The following ADAMTSL1 variants were observed in gnomAD, a reference collection of about 807,000 sequenced individuals.
ADAMTSL1 encodes the protein ADAMTS like 1.
A neutral mutation model predicts 201.8 loss-of-function variants in ADAMTSL1; 126 were observed. The ratio of observed to expected loss-of-function variants is 0.62; its 90% CI spans 0.54 to 0.72. The LOEUF is 0.72. Among genes scored for constraint, ADAMTSL1 ranks in the 30% least tolerant of loss-of-function variants. The pLI is 0.00. For missense variants in ADAMTSL1, 2,679 were observed against 2,277.8 expected (o/e 1.18, Z -3.59); for synonymous variants, 1,121 against 903.4 (o/e 1.24, Z -4.32).
intron 1 of ADAMTSL1, among the ~76,000 whole-genome samples, chr9:17,984,168 TTTTC>T (rs1818831040): frequency 1.3e-5 from 2 of 152,228 alleles, no homozygotes; most frequent in East Asian, 1.9e-4. Flanking sequence ...TTCTTGTGAT[TTTTC>T]TTTCTTTTTC....
At chr9:18,357,242 A>G (rs1256379290) in intron 2 of ADAMTSL1, among the ~76,000 whole-genome samples, 2 of 152,202 alleles carry the variant, frequency 1.3e-5, no homozygotes, top group African/African-American at 4.8e-5. Context: ...GGCCACCCCA[A>G]GCAAAGTATT....
chr9:18,060,610 A>G (rs1408452464), intron 1 of ADAMTSL1, among the ~76,000 whole-genome samples: 1 of 152,196 alleles, frequency 6.6e-6, no homozygotes, highest in Non-Finnish European at 1.5e-5. Flanking sequence ...CTACTTAACA[A>G]CAAAACAAAA....
chr9:18,488,414 T>G (rs1370761379), intron 1 of ADAMTSL1, among the ~76,000 whole-genome samples: 4 of 152,238 alleles, frequency 2.6e-5, no homozygotes, highest in Admixed American at 2.6e-4. Context: ...CGGCCCCTCC[T>G]ACTTCAATGA....
chr9:18,845,201 C>T (rs1266342016), intron 23 of ADAMTSL1, among the ~76,000 whole-genome samples: 1 of 152,228 alleles, frequency 6.6e-6, no homozygotes, highest in African/African-American at 2.4e-5. Flanking sequence ...CGGCAGCACA[C>T]TCTCCTTAGT....
At chr9:18,122,122 TGGAG>T (rs1825528002) in intron 1 of ADAMTSL1, among the ~76,000 whole-genome samples, 1 of 152,194 alleles carries the variant, frequency 6.6e-6, no homozygotes, top group African/African-American at 2.4e-5. Context: ...GAGTTTGACA[TGGAG>T]TCCATTTAAA....
intron 4 of ADAMTSL1, among the ~76,000 whole-genome samples, chr9:18,579,402 G>A (rs1822951001): frequency 6.8e-6 from 1 of 147,730 alleles, no homozygotes; most frequent in Non-Finnish European, 1.5e-5. Context: ...GCTAGATGAC[G>A]AGTTAGTGGG....
intron 2 of ADAMTSL1, among the ~76,000 whole-genome samples, chr9:18,357,817 C>A (rs934568676): frequency 1.3e-5 from 2 of 152,066 alleles, no homozygotes; most frequent in African/African-American, 4.8e-5. Context: ...CAGCCTCCAT[C>A]TCTATATTTA....
chr9:18,487,896 C>A (rs1300473685), intron 1 of ADAMTSL1, among the ~76,000 whole-genome samples: 1 of 152,140 alleles, frequency 6.6e-6, no homozygotes, highest in African/African-American at 2.4e-5. Context: ...TTCATCGATC[C>A]TAAGACACAA....
At chr9:18,783,807 A>G (rs1055581796) in intron 19 of ADAMTSL1, among the ~76,000 whole-genome samples, 21 of 152,064 alleles carry the variant, frequency 1.4e-4, no homozygotes, top group African/African-American at 5.1e-4. Context: ...TATACAACAA[A>G]GACTACAGGT....
intron 2 of ADAMTSL1, among the ~76,000 whole-genome samples, chr9:18,516,126 T>C (rs924987329): frequency 6.6e-6 from 1 of 151,136 alleles, no homozygotes; most frequent in Non-Finnish European, 1.5e-5. Flanking sequence ...GATTTCCTAA[T>C]GCTACTTGCA....
chr9:18,348,455 C>T (rs1044072354), intron 2 of ADAMTSL1, among the ~76,000 whole-genome samples: 1 of 152,140 alleles, frequency 6.6e-6, no homozygotes, highest in Non-Finnish European at 1.5e-5. Flanking sequence ...TCACTAGTGT[C>T]ATCTATAAAA....
At chr9:17,979,794 G>A (rs1818612997) in intron 1 of ADAMTSL1, among the ~76,000 whole-genome samples, 1 of 152,060 alleles carries the variant, frequency 6.6e-6, no homozygotes, top group Non-Finnish European at 1.5e-5. Context: ...CCCTTCATTG[G>A]TTAGCCCTTC....
chr9:18,401,646 C>A (rs1817989061), intron 2 of ADAMTSL1, among the ~76,000 whole-genome samples: 1 of 152,242 alleles, frequency 6.6e-6, no homozygotes, highest in Admixed American at 6.5e-5. Flanking sequence ...GAGAACACAT[C>A]TAAAGGAAAA....
intron 1 of ADAMTSL1, among the ~76,000 whole-genome samples, chr9:18,160,805 G>T (rs945902519): frequency 3.3e-5 from 5 of 149,310 alleles, no homozygotes; most frequent in Admixed American, 1.3e-4. Flanking sequence ...TCATCCTCCT[G>T]AGTAGCTGGG....
At chr9:18,590,481 A>T (rs113572807) in intron 4 of ADAMTSL1, among the ~76,000 whole-genome samples, 1 of 151,474 alleles carries the variant, frequency 6.6e-6, no homozygotes, top group Admixed American at 6.6e-5. Flanking sequence ...CGTTTTGTTG[A>T]CCTTTTGTAT....
At chr9:18,614,050 A>T (rs527393523) in intron 4 of ADAMTSL1, among the ~76,000 whole-genome samples, 1 of 152,250 alleles carries the variant, frequency 6.6e-6, no homozygotes, top group African/African-American at 2.4e-5. Flanking sequence ...CAGAGGTAGC[A>T]ACTCAGGGCT....
chr9:18,588,613 C>T (rs1338702669), intron 4 of ADAMTSL1, among the ~76,000 whole-genome samples: 1 of 151,802 alleles, frequency 6.6e-6, no homozygotes, highest in African/African-American at 2.4e-5. Context: ...AGTCTTTAAT[C>T]AATATTGGGT....
intron 4 of ADAMTSL1, among the ~76,000 whole-genome samples, chr9:18,608,119 A>G (rs62548418): frequency 0.021 from 3,174 of 152,298 alleles, 56 homozygotes; most frequent in African/African-American, 0.041. Flanking sequence ...TTCTTTTCCC[A>G]TGGTCCACCA....
intron 20 of ADAMTSL1, among the ~76,000 whole-genome samples, chr9:18,816,720 CTTTTTTTTTT>C (rs751791974): frequency 2.5e-5 from 1 of 39,720 alleles, no homozygotes; most frequent in Non-Finnish European, 4.4e-5. Context: ...AACCCTTGGT[CTTTTTTTTTT>C]TTTTTTTTTT....
Sources: allele counts gnomAD v4.1 joint callset (sites outside exome capture counted in the v4.1 genomes callset), GRCh38; gene constraint gnomAD v4.1.1; transcripts MANE v1.5; gene names NCBI Gene and HGNC (gene_info 2026-07-23, HGNC 2026-07-21).